Variants in VPS13B observed in about 807,000 individuals in gnomAD.
VPS13B encodes the protein intermembrane lipid transfer protein VPS13B.
A neutral mutation model predicts 426.4 loss-of-function variants in VPS13B; 285 were observed. The observed-to-expected ratio is 0.67, with a 90% CI of 0.61 to 0.74. The LOEUF is 0.74. Among genes scored for constraint, VPS13B ranks in the 30% least tolerant of loss-of-function variants. The pLI, the probability that VPS13B is intolerant of heterozygous loss-of-function variation, is 0.00. For synonymous variants in VPS13B, 1,676 were observed against 1,676.4 expected, an observed-to-expected ratio of 1.00 and a Z score of 0.01; for missense variants, 4,537 against 4,782.6, an observed-to-expected ratio of 0.95 and a Z score of 1.51.
At chr8:99,833,106 T>C (rs1283017227) in intron 52 of VPS13B, among the ~76,000 whole-genome samples, 1 of 152,238 alleles carries the variant, frequency 6.6e-6, no homozygotes, top group Non-Finnish European at 1.5e-5. Context: ...AATGGAATTT[T>C]TCTCAAAAAA....
chr8:99,784,167 G>A (rs369969111), intron 42 of VPS13B, 148 bp from the exon 43 acceptor site: 4 of 944,368 alleles, frequency 4.2e-6, no homozygotes, highest in Middle Eastern at 6.5e-4. Context: ...TGCTTATCCT[G>A]GCAGTATAGA....
intron 29 of VPS13B, among the ~76,000 whole-genome samples, chr8:99,512,490 T>C (rs1001960739): frequency 2.0e-5 from 3 of 152,178 alleles, no homozygotes; most frequent in Non-Finnish European, 4.4e-5. Flanking sequence ...AAATCTACGT[T>C]TTTATACAGA....
chr8:99,515,594 C>A (rs1822025656), intron 29 of VPS13B, among the ~76,000 whole-genome samples: 1 of 151,954 alleles, frequency 6.6e-6, no homozygotes, highest in South Asian at 2.1e-4. Context: ...AACATAATTT[C>A]TTTTGTTTTT....
At chr8:99,325,878 G>T (rs1810231716) in intron 19 of VPS13B, among the ~76,000 whole-genome samples, 1 of 151,822 alleles carries the variant, frequency 6.6e-6, no homozygotes, top group African/African-American at 2.4e-5. Flanking sequence ...TCCTTTTACG[G>T]CCCTTAGTAT....
At chr8:99,458,617 G>A (rs1204391081) in intron 23 of VPS13B, among the ~76,000 whole-genome samples, 2 of 152,134 alleles carry the variant, frequency 1.3e-5, no homozygotes, top group African/African-American at 4.8e-5. Context: ...CATTCTAACT[G>A]GTGTGAGATG....
chr8:99,641,748 CAT>C, intron 33 of VPS13B, 61 bp from the exon 34 acceptor site: 2 of 1,453,410 alleles, frequency 1.4e-6, no homozygotes, highest in Admixed American at 4.1e-5. Flanking sequence ...GTTTATATAA[CAT>C]TGTTTATATG....
At chr8:99,261,098 TG>T (rs936294487) in intron 17 of VPS13B, among the ~76,000 whole-genome samples, 2 of 152,128 alleles carry the variant, frequency 1.3e-5, no homozygotes, top group African/African-American at 4.8e-5. Flanking sequence ...GTGATACATT[TG>T]TTACCTTCAT....
rs542089957 is a variant in VPS13B at position 99,060,530 on chromosome 8, A to T, written c.291+21964A>T. On this transcript the variant is annotated intron_variant, in intron 3 of 61. Coordinates refer to ENST00000357162, the MANE Select transcript of VPS13B (RefSeq NM_152564.5). ...AGGCTGAGGTGGGGGAATCACTTGAACCTAGGAGGCGGATTTTGCAGTGAG... is the reference window on the plus strand; with the variant it reads ...AGGCTGAGGTGGGGGAATCACTTGATCCTAGGAGGCGGATTTTGCAGTGAG... Among the ~76,000 whole-genome samples, 5 of 151,916 alleles carry T rather than the reference A, an allele frequency of 3.3e-5. No individual in the cohort carries two copies. In the South Asian group the frequency reaches 8.3e-4, roughly 25 times the overall value.
At chr8:99,218,282 C>A (rs1815496617) in intron 17 of VPS13B, among the ~76,000 whole-genome samples, 1 of 152,174 alleles carries the variant, frequency 6.6e-6, no homozygotes, top group Admixed American at 6.5e-5. Flanking sequence ...CACACAAAGT[C>A]TAAAATATTT....
In VPS13B at chr8:99,818,884, G is replaced by A. The variant is rs1814200509; in HGVS notation, c.8617G>A (p.Ala2873Thr). 1 of 1,494,242 alleles carries A rather than the reference G, an allele frequency of 6.7e-7. No individual in the cohort carries two copies. Among genetic ancestry groups the A allele is most frequent in the Middle Eastern group, 1.8e-4 (1 of 5,426 alleles). 92.6% of individuals were successfully genotyped at this position (1,494,242 alleles called of 1,614,324 possible). The change falls in exon 47 of 62, where the codon GCA (alanine) becomes ACA (threonine). Residue 2873 changes from alanine to threonine, a missense_variant. Physicochemically the swap from Ala to Thr is moderately conservative, Grantham distance 58. Transcript: ENST00000357162. The stretch of plus-strand genomic sequence containing the variant: ...CCTTGTACATCACCTGACATTCCAA[G>A]CAAGGTACTAGAAAAATCCTTCCAT... Reference protein sequence around the residue: ...PDLVHHLTFQAREEYDPSDCA... With the variant: ...PDLVHHLTFQTREEYDPSDCA...
intron 51 of VPS13B, among the ~76,000 whole-genome samples, chr8:99,825,336 G>GT (rs921834057): frequency 4.0e-5 from 6 of 151,864 alleles, no homozygotes; most frequent in East Asian, 1.9e-4. Flanking sequence ...GTGATGATGA[G>GT]TTTTTTTTCA....
intron 16 of VPS13B, 144 bp from the exon 17 acceptor site, chr8:99,192,732 G>C: frequency 1.4e-6 from 1 of 734,266 alleles, no homozygotes; most frequent in Non-Finnish European, 2.2e-6. Context: ...TAGCAGAATT[G>C]CATATCTATT....
At chr8:99,422,271 G>T (rs567237072) in intron 21 of VPS13B, among the ~76,000 whole-genome samples, 2 of 152,076 alleles carry the variant, frequency 1.3e-5, no homozygotes. Context: ...GCCACATGTA[G>T]ATTTCAAAGT....
chr8:99,058,393 T>C (rs988530049), intron 3 of VPS13B, among the ~76,000 whole-genome samples: 5 of 151,628 alleles, frequency 3.3e-5, no homozygotes, highest in African/African-American at 9.6e-5. Context: ...ATAATTATAA[T>C]TAACAAATAA....
chr8:99,136,613 CA>C (rs1810082975), intron 11 of VPS13B, 51 bp from the exon 12 acceptor site: 1 of 1,595,996 alleles, frequency 6.3e-7, no homozygotes, highest in Admixed American at 1.7e-5. Flanking sequence ...GCTTTAAACT[CA>C]AAAGTTTCTT....
At chr8:99,022,081 A>G (rs1330409961) in intron 2 of VPS13B, among the ~76,000 whole-genome samples, 1 of 151,460 alleles carries the variant, frequency 6.6e-6, no homozygotes, top group Non-Finnish European at 1.5e-5. Context: ...CTTTTTGTTG[A>G]TTCTTTTTTG....
At chr8:99,373,420 A>C (rs1458638264) in intron 19 of VPS13B, among the ~76,000 whole-genome samples, 1 of 152,166 alleles carries the variant, frequency 6.6e-6, no homozygotes, top group Non-Finnish European at 1.5e-5. Context: ...TATTGTGATT[A>C]TAAAGTCAGA....
chr8:99,110,624 C>G (rs1847308148), intron 5 of VPS13B, among the ~76,000 whole-genome samples: 1 of 151,614 alleles, frequency 6.6e-6, no homozygotes. Context: ...ATTTAAATAG[C>G]CACATATGGC....
intron 55 of VPS13B, among the ~76,000 whole-genome samples, chr8:99,850,568 ATAACT>A (rs970882052): frequency 3.9e-5 from 6 of 152,248 alleles, no homozygotes; most frequent in South Asian, 2.1e-4. Flanking sequence ...ATCAGAAAAA[ATAACT>A]TAATATTAAA....
Sources: allele counts gnomAD v4.1 joint callset (sites outside exome capture counted in the v4.1 genomes callset), GRCh38; gene constraint gnomAD v4.1.1; transcripts MANE v1.5; gene names NCBI Gene and HGNC (gene_info 2026-07-23, HGNC 2026-07-21).